The following DNAAF1 variants were observed in gnomAD, a reference collection of about 807,000 sequenced individuals.
DNAAF1 encodes the protein dynein assembly factor 1, axonemal.
Under a neutral mutation model 71.1 loss-of-function variants are expected in DNAAF1, and 65 were observed. The ratio of observed to expected loss-of-function variants is 0.91; its 90% CI spans 0.75 to 1.12. The LOEUF is 1.12. Among genes scored for constraint, DNAAF1 ranks in the 50% most tolerant of loss-of-function variants. The pLI, the probability that DNAAF1 is intolerant of heterozygous loss-of-function variation, is 0.00. For missense variants in DNAAF1, 1,178 were observed against 899.8 expected, an observed-to-expected ratio of 1.31 and a Z score of -3.96; for synonymous variants, 414 against 354.6, an observed-to-expected ratio of 1.17 and a Z score of -1.88.
intron 6 of DNAAF1, among the ~76,000 whole-genome samples, chr16:84,162,398 A>C (rs1213199716): frequency 2.0e-5 from 3 of 149,934 alleles, no homozygotes; most frequent in Middle Eastern, 3.4e-3. Context: ...AGGTCAGGAG[A>C]CTCCCTCTCA....
intron 8 of DNAAF1, among the ~76,000 whole-genome samples, chr16:84,170,641 C>G (rs894799806): frequency 7.4e-6 from 1 of 135,678 alleles, no homozygotes; most frequent in Non-Finnish European, 1.7e-5. Context: ...TCAGACCAGC[C>G]TCAGAAATAC....
At chr16:84,159,261 C>T (rs1044931358) in intron 5 of DNAAF1, 1 of 1,106,978 alleles carries the variant, frequency 9.0e-7, no homozygotes, top group African/African-American at 1.7e-5. Flanking sequence ...GCTTCTCTGT[C>T]TAGCGGCTGT....
chr16:84,167,142 A>G (rs1391772579), intron 7 of DNAAF1, among the ~76,000 whole-genome samples: 1 of 152,192 alleles, frequency 6.6e-6, no homozygotes, highest in Admixed American at 6.5e-5. Flanking sequence ...ATAATTTGCT[A>G]TGATGGCTCA....
rs1203684369 is a variant in DNAAF1 at position 84,147,521 on chromosome 16, T to C, written c.125-1486T>C. 2.0e-5 allele frequency among the ~76,000 whole-genome samples: 3 copies of C among 152,294 alleles called. No individual in the cohort carries two copies. The East Asian group carries it at 5.8e-4, about 29-fold the overall frequency. ...TCATGTGATTTTCCTTTTTATGATT[T>C]TTTTTTTAAGAGATGGAATCTCACT... is the stretch of plus-strand genomic sequence containing the variant. On this transcript the variant is annotated intron_variant, in intron 1 of 11. Transcript: ENST00000378553.
In DNAAF1 at chr16:84,149,125, G is replaced by C; in HGVS notation, c.243G>C (p.Arg81Ser). 1 of 1,614,092 alleles carries C rather than the reference G, an allele frequency of 6.2e-7. No homozygotes were observed. Among genetic ancestry groups the C allele is most frequent in the Non-Finnish European group, 8.5e-7 (1 of 1,180,032 alleles). ...ACTTCGCACACCCAAGAGAAGACAG[G>C]GAAGATCGGGGCCCCAGGTATGTGG... ...GGHFAHPRED[R>S]EDRGPRMTKS... The change falls in exon 2 of 12, where the codon AGG (arginine) becomes AGC (serine). Residue 81 changes from arginine to serine, a missense_variant. Transcript: ENST00000378553.
At chr16:84,172,782 T>A (rs1567565529) in intron 9 of DNAAF1, 1 of 1,083,382 alleles carries the variant, frequency 9.2e-7, no homozygotes. Context: ...ATACATTGTA[T>A]CTTTTCCCCC....
chr16:84,164,630 G>A (rs980194226), intron 6 of DNAAF1, among the ~76,000 whole-genome samples: 5 of 152,106 alleles, frequency 3.3e-5, no homozygotes, highest in Admixed American at 6.5e-5. Flanking sequence ...ATATTCCTCC[G>A]TCTGGGTGTG....
chr16:84,148,929 C>A, intron 1 of DNAAF1, 78 bp from the exon 2 acceptor site: 2 of 1,538,750 alleles, frequency 1.3e-6, no homozygotes, highest in South Asian at 1.1e-5. Flanking sequence ...AGTGGATGGT[C>A]ATTAACCAAG....
intron 1 of DNAAF1, among the ~76,000 whole-genome samples, chr16:84,146,075 C>T (rs207476232): frequency 1.3e-5 from 2 of 151,864 alleles, no homozygotes; most frequent in East Asian, 1.9e-4. Flanking sequence ...CCAGCCCGGA[C>T]GACAGTGGGA....
chr16:84,169,073 G>T (rs2088180204), intron 7 of DNAAF1, among the ~76,000 whole-genome samples: 1 of 138,844 alleles, frequency 7.2e-6, no homozygotes, highest in Admixed American at 7.6e-5. Flanking sequence ...ATCCCTCAAG[G>T]ATACTTTTTT....
At chr16:84,153,376 A>G (rs955090106) in intron 3 of DNAAF1, among the ~76,000 whole-genome samples, 11 of 152,258 alleles carry the variant, frequency 7.2e-5, no homozygotes, top group African/African-American at 2.7e-4. Context: ...CATCCAGCAC[A>G]GGAACCCATC....
chr16:84,167,679 C>T (rs1289643412), intron 7 of DNAAF1, among the ~76,000 whole-genome samples: 1 of 152,188 alleles, frequency 6.6e-6, no homozygotes. Flanking sequence ...CTTGTAATTT[C>T]ACAGCTGCCA....
At chr16:84,165,707 A>T in intron 6 of DNAAF1, 76 bp from the exon 7 acceptor site, 1 of 1,434,508 alleles carries the variant, frequency 7.0e-7, no homozygotes, top group South Asian at 1.1e-5. Context: ...GATTTTGAAG[A>T]AAATGAGCAA....
At chr16:84,162,450 T>C (rs1258191044) in intron 6 of DNAAF1, among the ~76,000 whole-genome samples, 1 of 151,582 alleles carries the variant, frequency 6.6e-6, no homozygotes, top group African/African-American at 2.4e-5. Flanking sequence ...AAGTGTACAA[T>C]GCAATGGCTT....
At chr16:84,150,410 A>G in intron 3 of DNAAF1, 68 bp downstream of exon 3, 3 of 1,212,930 alleles carry the variant, frequency 2.5e-6, no homozygotes, top group Non-Finnish European at 3.7e-6. Flanking sequence ...ATAAAAAATT[A>G]CTTGCAGGGA....
chr16:84,154,560 T>C lies in DNAAF1; in HGVS notation c.353-17T>C, dbSNP rs2087323476. 1 of 1,612,614 alleles carries C rather than the reference T, an allele frequency of 6.2e-7. No homozygotes were observed. Among genetic ancestry groups the C allele is most frequent in the Non-Finnish European group, 8.5e-7 (1 of 1,179,252 alleles). On this transcript the variant is annotated splice_polypyrimidine_tract_variant and intron_variant, in intron 3 of 11. Transcript: ENST00000378553. ...TGGGAGTAGGAGCTTAATTCCCACG[T>C]GCTTCCTTTTTGTTAGGTTTTGATC...
At chr16:84,157,591 G>A (rs1188630914) in intron 5 of DNAAF1, among the ~76,000 whole-genome samples, 1 of 151,414 alleles carries the variant, frequency 6.6e-6, no homozygotes, top group Non-Finnish European at 1.5e-5. Context: ...TTGAGTCCTC[G>A]CTAGTAGCCT....
intron 9 of DNAAF1, chr16:84,173,625 G>C (rs950009292): frequency 3.5e-5 from 24 of 683,262 alleles, no homozygotes; most frequent in Non-Finnish European, 4.0e-5. Context: ...CATGAAGTCA[G>C]GAGTTTGAGA....
At chr16:84,174,928 T>C (rs1362174152) in intron 10 of DNAAF1, 1 of 592,434 alleles carries the variant, frequency 1.7e-6, no homozygotes, top group Non-Finnish European at 3.0e-6. Flanking sequence ...TGTTCTTGGC[T>C]CACTGCAACC....
Sources: gnomAD v4.1 joint callset for allele counts (sites outside exome capture counted in the v4.1 genomes callset) on GRCh38, gnomAD v4.1.1 for gene constraint, MANE v1.5 for transcripts, NCBI Gene and HGNC (gene_info 2026-07-23, HGNC 2026-07-21) for gene names.